TTC21B: variants seen among roughly 807,000 people sequenced by gnomAD.
TTC21B encodes the protein tetratricopeptide repeat domain 21B.
TTC21B carries 127 observed loss-of-function variants against 175.1 expected under a neutral mutation model. That is an observed-to-expected ratio of 0.73 (90% confidence interval 0.63 to 0.84). The LOEUF (loss-of-function observed/expected upper bound fraction) is 0.84, where lower values mean the gene tolerates loss of function less well. Ranked by LOEUF, TTC21B falls within the 40% of genes least tolerant of loss-of-function variation. The probability of loss-of-function intolerance (pLI) is 0.00; values close to 1 mark genes in which losing one functional copy is unlikely to be tolerated. For synonymous variants in TTC21B, 524 were observed against 524.5 expected, an observed-to-expected ratio of 1.00 and a Z score of 0.01; for missense variants, 1,561 against 1,558.3, an observed-to-expected ratio of 1.00 and a Z score of -0.03.
In TTC21B at chr2:165,901,708, A is replaced by G. The variant is rs939019516; in HGVS notation, c.2757+14T>C. On this transcript the variant is annotated intron_variant, in intron 20 of 28. Coordinates refer to ENST00000243344, the MANE Select transcript of TTC21B (RefSeq NM_024753.5). ...TGGAATAAAAGGTATTTAAAATTTT[A>G]TAAAGGTACTGACCTTATTATCTGT... 2 of 1,611,132 alleles carry G rather than the reference A, an allele frequency of 1.2e-6. No homozygotes were observed.
At chr2:165,937,579 CTG>C (rs1487581719) in intron 6 of TTC21B, among the ~76,000 whole-genome samples, 2 of 151,972 alleles carry the variant, frequency 1.3e-5, no homozygotes, top group African/African-American at 4.8e-5. Context: ...TTTAATTTTG[CTG>C]TGAACCTAAA....
At chr2:165,875,998 A>T (rs1402670809) in intron 28 of TTC21B, among the ~76,000 whole-genome samples, 167 bp downstream of exon 28, 1 of 152,102 alleles carries the variant, frequency 6.6e-6, no homozygotes, top group Admixed American at 6.6e-5. Flanking sequence ...ATTTAGGTGA[A>T]CATCATTTTC....
intron 6 of TTC21B, among the ~76,000 whole-genome samples, chr2:165,935,679 G>A (rs1419072562): frequency 6.6e-6 from 1 of 151,966 alleles, no homozygotes; most frequent in Non-Finnish European, 1.5e-5. Context: ...ATGAACAAGT[G>A]GTATTTGAAA....
In TTC21B at chr2:165,925,564, T is replaced by C. The variant is rs180762086; in HGVS notation, c.1387-886A>G. Among the ~76,000 whole-genome samples the C allele has an allele frequency of 5.3e-5, 8 of 152,320 alleles. No homozygotes were observed. The East Asian group carries it at 1.5e-3, about 29-fold the overall frequency. On this transcript the variant is annotated intron_variant, in intron 11 of 28. Coordinates refer to ENST00000243344, the MANE Select transcript of TTC21B (RefSeq NM_024753.5). The stretch of plus-strand genomic sequence containing the variant: ...AAATTACTCCTATAATGAGCCATTA[T>C]TACCAACAAGAAAGTGCTACAACTT...
intron 24 of TTC21B, among the ~76,000 whole-genome samples, chr2:165,889,434 C>T (rs1338933028): frequency 6.6e-6 from 1 of 152,158 alleles, no homozygotes; most frequent in Non-Finnish European, 1.5e-5. Flanking sequence ...AGAGACCATT[C>T]ATGGAGTTCC....
rs191657334 is a variant in TTC21B at position 165,895,559 on chromosome 2, G to C, written c.2950+3127C>G. 1.2e-4 allele frequency among the ~76,000 whole-genome samples: 18 copies of C among 152,282 alleles called. No individual in the cohort carries two copies. In the East Asian group the frequency reaches 3.5e-3, roughly 29 times the overall value. ...AGACTGTGAAATGGGAACAGCTTGA[G>C]ATAGAATGAATATATTATGTATATT... On this transcript the variant is annotated intron_variant, in intron 22 of 28. Coordinates refer to ENST00000243344, the MANE Select transcript of TTC21B (RefSeq NM_024753.5).
intron 6 of TTC21B, chr2:165,934,886 A>T (rs141929514): frequency 3.1e-4 from 47 of 152,306 alleles, no homozygotes; most frequent in African/African-American, 1.1e-3. Flanking sequence ...TTAAATTTAT[A>T]TACTTGAGGG....
intron 3 of TTC21B, among the ~76,000 whole-genome samples, chr2:165,946,582 G>A (rs13419316): frequency 0.33 from 49,704 of 151,928 alleles, 8,579 homozygotes; most frequent in Non-Finnish European, 0.39. Flanking sequence ...TTACACCTGT[G>A]ATCCCAGCAC....
intron 12 of TTC21B, 150 bp downstream of exon 12, chr2:165,924,399 C>A: frequency 1.5e-6 from 1 of 684,140 alleles, no homozygotes. Context: ...TTATGCAATT[C>A]TATTTTGGAT....
intron 15 of TTC21B, among the ~76,000 whole-genome samples, chr2:165,914,655 A>ATC (rs202066590): frequency 2.6e-5 from 2 of 75,682 alleles, no homozygotes; most frequent in African/African-American, 8.2e-5. Flanking sequence ...AGGAAGAGCA[A>ATC]TCTGTGTGTG....
intron 26 of TTC21B, 30 bp downstream of exon 26, chr2:165,883,764 A>G (rs1218039324): frequency 6.5e-7 from 1 of 1,541,250 alleles, no homozygotes; most frequent in Non-Finnish European, 9.0e-7. Context: ...ACAAAGGTCA[A>G]TAATTATTTT....
chr2:165,891,950 C>A lies in TTC21B; in HGVS notation c.2951-962G>T, dbSNP rs953175677. ...AAATAGATGTTTATTTAAATATATACAAAACTGGAGTCACATTGGGGTTTT... is the reference window on the plus strand; with the variant it reads ...AAATAGATGTTTATTTAAATATATAAAAAACTGGAGTCACATTGGGGTTTT... On this transcript the variant is annotated intron_variant, in intron 22 of 28. Transcript: ENST00000243344. Among the ~76,000 whole-genome samples the A allele has an allele frequency of 2.0e-5, 3 of 151,920 alleles. No individual in the cohort carries two copies. The East Asian group carries it at 5.8e-4, about 29-fold the overall frequency.
At chr2:165,893,932 T>C (rs1685277504) in intron 22 of TTC21B, among the ~76,000 whole-genome samples, 2 of 152,176 alleles carry the variant, frequency 1.3e-5, no homozygotes, top group African/African-American at 4.8e-5. Context: ...TTTGCGGCCA[T>C]ATTATTATTA....
intron 18 of TTC21B, among the ~76,000 whole-genome samples, chr2:165,910,730 C>T (rs1305254301): frequency 1.3e-5 from 2 of 151,832 alleles, no homozygotes; most frequent in African/African-American, 2.4e-5. Flanking sequence ...AAAATAATAC[C>T]TAACTTTATC....
chr2:165,895,430 T>G (rs1366021090), intron 22 of TTC21B, among the ~76,000 whole-genome samples: 1 of 148,994 alleles, frequency 6.7e-6, no homozygotes, highest in Non-Finnish European at 1.5e-5. Flanking sequence ...TGTGAGATTC[T>G]TCAAATCTTA....
intron 14 of TTC21B, among the ~76,000 whole-genome samples, chr2:165,916,807 T>C (rs1017919648): frequency 2.0e-5 from 3 of 152,188 alleles, no homozygotes; most frequent in African/African-American, 7.2e-5. Flanking sequence ...AGGAAGTTTA[T>C]TTTTAGTGCA....
At chr2:165,906,059 T>C (rs1685718700) in intron 19 of TTC21B, among the ~76,000 whole-genome samples, 1 of 152,036 alleles carries the variant, frequency 6.6e-6, no homozygotes, top group Non-Finnish European at 1.5e-5. Flanking sequence ...CCATAAAAAT[T>C]CAATGTTACA....
At chr2:165,934,500 C>CAAAAAAAAAAAAAA (rs369089707) in intron 6 of TTC21B, among the ~76,000 whole-genome samples, 3 of 71,900 alleles carry the variant, frequency 4.2e-5, no homozygotes, top group East Asian at 5.0e-4. Flanking sequence ...GACTCTGTCT[C>CAAAAAAAAAAAAAA]AAAAAAAAAA....
Position 165,949,507 on chromosome 2 carries a change from GA to G in TTC21B, c.152-4del. ...TCGAAGAGCTTCTTGAGTTTTACCT[GA>G]AAATCAAGATTATGATATGAAAAAC... is the stretch of plus-strand genomic sequence containing the variant. On this transcript the variant is annotated splice_region_variant and splice_polypyrimidine_tract_variant and intron_variant, in intron 2 of 28. Transcript: ENST00000243344. 6.2e-7 allele frequency: 1 copy of G among 1,613,010 alleles called. No homozygotes were observed. The highest frequency in any genetic ancestry group is 8.5e-7 in the Non-Finnish European group (1 of 1,179,196).
Sources: gnomAD v4.1 joint callset for allele counts (sites outside exome capture counted in the v4.1 genomes callset) on GRCh38, gnomAD v4.1.1 for gene constraint, MANE v1.5 for transcripts, NCBI Gene and HGNC (gene_info 2026-07-23, HGNC 2026-07-21) for gene names.